The following PPFIA2 variants were observed in gnomAD, a reference collection of about 807,000 sequenced individuals.
The protein encoded by PPFIA2 is PPFI scaffold protein A2, also known as liprin-alpha-2.
PPFIA2 carries 46 observed loss-of-function variants against 175.5 expected under a neutral mutation model. The observed-to-expected ratio is 0.26, with a 90% confidence interval of 0.21 to 0.34. PPFIA2 has a LOEUF of 0.34. PPFIA2 is among the 10% of genes least tolerant of loss of function. The pLI is 1.00. For synonymous variants in PPFIA2, 568 were observed against 511.4 expected (o/e 1.11, Z -1.49); for missense variants, 1,179 against 1,506.1 (o/e 0.78, Z 3.60).
In PPFIA2 at chr12:81,429,042, G is replaced by C. The variant is rs150333683; in HGVS notation, c.645+10930C>G. Among the ~76,000 whole-genome samples, 413 of 152,072 alleles carry C rather than the reference G, an allele frequency of 2.7e-3. 1 individual carries two copies. The highest frequency in any genetic ancestry group is 9.2e-3 in the African/African-American group (383 of 41,528). On this transcript the variant is annotated intron_variant, in intron 7 of 32. Transcript: ENST00000549396. ...AAAAATCTCTTTTATCTGACTTTCT[G>C]TTCGAATGTTAACTGAAAATTGGTC...
In PPFIA2 at chr12:81,398,810, C is replaced by T. The variant is rs959701609; in HGVS notation, c.762+6977G>A. Among the ~76,000 whole-genome samples the T allele has an allele frequency of 1.2e-4, 19 of 152,048 alleles. No individual in the cohort carries two copies. In the East Asian group the frequency reaches 1.9e-3, roughly 15 times the overall value. On this transcript the variant is annotated intron_variant, in intron 8 of 32. Transcript: ENST00000549396. ...CTCTTATTTCCCTGTGGGTAAAGAG[C>T]GTCTCTGGAAACACTACATACTGTG...
chr12:81,577,576 C>A (rs2073771923), intron 4 of PPFIA2, among the ~76,000 whole-genome samples: 1 of 151,738 alleles, frequency 6.6e-6, no homozygotes, highest in Non-Finnish European at 1.5e-5. Flanking sequence ...AGATTTTCAG[C>A]AAGAAAGTTT....
In PPFIA2 at chr12:81,638,687, T is replaced by C. The variant is rs201775123; in HGVS notation, c.303+38104A>G. Reference sequence around the variant, plus strand: ...CTTGTTTTGTCATAAATTTTCTTTTTTTTTTTTTTTTTTTTTTTGAGACGG... The same window carrying C: ...CTTGTTTTGTCATAAATTTTCTTTTCTTTTTTTTTTTTTTTTTTGAGACGG... On this transcript the variant is annotated intron_variant, in intron 4 of 32. Coordinates refer to ENST00000549396, the MANE Select transcript of PPFIA2 (RefSeq NM_003625.5). 7.3e-3 allele frequency among the ~76,000 whole-genome samples: 899 copies of C among 123,480 alleles called. 30 individuals carry two copies. In the East Asian group the frequency reaches 0.087, roughly 12 times the overall value. The allele number at this position is 123,480 out of a possible 152,430, so 81.0% of individuals were successfully genotyped here.
chr12:81,475,971 A>T (rs1262435555), intron 4 of PPFIA2, among the ~76,000 whole-genome samples: 2 of 152,182 alleles, frequency 1.3e-5, no homozygotes, highest in Non-Finnish European at 2.9e-5. Context: ...TAAGGACAGC[A>T]ATGTGGTAAC....
intron 23 of PPFIA2, among the ~76,000 whole-genome samples, chr12:81,295,375 T>C (rs1443805665): frequency 6.6e-6 from 1 of 152,160 alleles, no homozygotes; most frequent in Non-Finnish European, 1.5e-5. Flanking sequence ...CAAGCCACAT[T>C]TGATAAGGGA....
At chr12:81,621,006 T>A (rs1028947570) in intron 4 of PPFIA2, among the ~76,000 whole-genome samples, 11 of 152,240 alleles carry the variant, frequency 7.2e-5, no homozygotes, top group African/African-American at 2.2e-4. Context: ...GGGAAAAAAA[T>A]TGTCTTCATA....
intron 22 of PPFIA2, among the ~76,000 whole-genome samples, chr12:81,304,651 T>C (rs985300178): frequency 6.6e-5 from 10 of 151,832 alleles, no homozygotes; most frequent in Admixed American, 6.6e-4. Context: ...AAATTCCTAT[T>C]AAAGGAGTGG....
intron 4 of PPFIA2, among the ~76,000 whole-genome samples, chr12:81,498,717 C>A (rs1376504737): frequency 1.3e-5 from 2 of 152,080 alleles, no homozygotes. Flanking sequence ...CTCCACCTCC[C>A]AGGTTCAAGT....
At chr12:81,330,668 A>C (rs1272307062) in intron 21 of PPFIA2, among the ~76,000 whole-genome samples, 1 of 152,152 alleles carries the variant, frequency 6.6e-6, no homozygotes, top group African/African-American at 2.4e-5. Context: ...CTGTCCTTCC[A>C]TTTGTCCAGC....
At chr12:81,522,177 A>G (rs2063235638) in intron 4 of PPFIA2, among the ~76,000 whole-genome samples, 1 of 152,220 alleles carries the variant, frequency 6.6e-6, no homozygotes, top group African/African-American at 2.4e-5. Context: ...AAAGCTAGCT[A>G]TTGAATTGCT....
chr12:81,370,044 C>A (rs1212171431), intron 11 of PPFIA2, among the ~76,000 whole-genome samples: 2 of 151,706 alleles, frequency 1.3e-5, no homozygotes, highest in Admixed American at 1.3e-4. Flanking sequence ...GGAAACCAAA[C>A]ACCAGAATAT....
At chr12:81,406,725 A>G (rs2043002913) in intron 7 of PPFIA2, among the ~76,000 whole-genome samples, 1 of 152,112 alleles carries the variant, frequency 6.6e-6, no homozygotes, top group Admixed American at 6.6e-5. Flanking sequence ...GCTGTAACTT[A>G]TTTATTCCAT....
chr12:81,674,611 T>A (rs1012052392), intron 4 of PPFIA2, among the ~76,000 whole-genome samples: 7 of 152,020 alleles, frequency 4.6e-5, no homozygotes, highest in Admixed American at 1.3e-4. Context: ...GAGGCTGCAG[T>A]GAGATCAGGC....
chr12:81,534,086 G>A (rs2065037760), intron 4 of PPFIA2, among the ~76,000 whole-genome samples: 1 of 151,644 alleles, frequency 6.6e-6, no homozygotes, highest in African/African-American at 2.4e-5. Context: ...AATATTGCAT[G>A]TTCTCACTCA....
chr12:81,482,923 T>C (rs1333071930), intron 4 of PPFIA2, among the ~76,000 whole-genome samples: 2 of 152,098 alleles, frequency 1.3e-5, no homozygotes, highest in East Asian at 1.9e-4. Context: ...GAATAAACTG[T>C]GTTCCAGTGC....
At chr12:81,399,500 T>C (rs2041771983) in intron 8 of PPFIA2, among the ~76,000 whole-genome samples, 1 of 152,092 alleles carries the variant, frequency 6.6e-6, no homozygotes, top group African/African-American at 2.4e-5. Context: ...AAGACTTTTA[T>C]TTTTGCCATT....
intron 8 of PPFIA2, among the ~76,000 whole-genome samples, chr12:81,385,368 T>C (rs1474753893): frequency 3.9e-5 from 6 of 152,116 alleles, no homozygotes; most frequent in Admixed American, 6.6e-5. Flanking sequence ...ACCAAAGGAA[T>C]TGAAATCACT....
chr12:81,662,117 C>G (rs1033137724), intron 4 of PPFIA2, among the ~76,000 whole-genome samples: 1 of 151,852 alleles, frequency 6.6e-6, no homozygotes, highest in Non-Finnish European at 1.5e-5. Flanking sequence ...AAAATTGACA[C>G]CCTAACATCA....
At chr12:81,757,242 T>C (rs928912932) in intron 2 of PPFIA2, among the ~76,000 whole-genome samples, 1 of 152,200 alleles carries the variant, frequency 6.6e-6, no homozygotes, top group African/African-American at 2.4e-5. Context: ...CGGAAGGCTA[T>C]GGTCATTCAA....
Sources: gnomAD v4.1 joint callset for allele counts (sites outside exome capture counted in the v4.1 genomes callset) on GRCh38, gnomAD v4.1.1 for gene constraint, MANE v1.5 for transcripts, NCBI Gene and HGNC (gene_info 2026-07-23, HGNC 2026-07-21) for gene names.